The following HHAT variants were observed in gnomAD, a reference collection of about 807,000 sequenced individuals.
The protein encoded by HHAT is hedgehog acyltransferase.
A neutral mutation model predicts 70.8 loss-of-function variants in HHAT; 47 were observed. That is an observed-to-expected ratio of 0.66 (90% confidence interval 0.53 to 0.85). The LOEUF is 0.85. HHAT is among the 40% of genes least tolerant of loss of function. The pLI, the probability that HHAT is intolerant of heterozygous loss-of-function variation, is 0.00. For synonymous variants in HHAT, 228 were observed against 247.6 expected, an observed-to-expected ratio of 0.92 and a Z score of 0.74; for missense variants, 609 against 604.8, an observed-to-expected ratio of 1.01 and a Z score of -0.07.
At chr1:210,662,636 C>T (rs1279465169) in intron 11 of HHAT, among the ~76,000 whole-genome samples, 1 of 152,076 alleles carries the variant, frequency 6.6e-6, no homozygotes, top group Admixed American at 6.5e-5. Flanking sequence ...AGGTCCCCTA[C>T]CTAGTTGTCC....
intron 4 of HHAT, among the ~76,000 whole-genome samples, chr1:210,388,225 TG>T (rs2091222698): frequency 6.6e-6 from 1 of 152,162 alleles, no homozygotes; most frequent in Non-Finnish European, 1.5e-5. Flanking sequence ...AGATTCCTGA[TG>T]GAGGAAAAAG....
chr1:210,628,346 C>A (rs553377266), intron 11 of HHAT, among the ~76,000 whole-genome samples: 1 of 152,000 alleles, frequency 6.6e-6, no homozygotes, highest in African/African-American at 2.4e-5. Context: ...AAAAGGAAAA[C>A]CAAAACATTT....
At chr1:210,471,857 TCTC>T (rs1447038683) in intron 8 of HHAT, among the ~76,000 whole-genome samples, 3 of 152,182 alleles carry the variant, frequency 2.0e-5, no homozygotes, top group African/African-American at 4.8e-5. Context: ...TAAACAAAAT[TCTC>T]CTAGCAATTT....
chr1:210,471,915 T>A (rs1467305723), intron 8 of HHAT, among the ~76,000 whole-genome samples: 1 of 152,202 alleles, frequency 6.6e-6, no homozygotes, highest in Non-Finnish European at 1.5e-5. Flanking sequence ...ATATGACAGA[T>A]CTCTTGAATT....
At chr1:210,371,219 A>G (rs945042037) in intron 3 of HHAT, among the ~76,000 whole-genome samples, 1 of 151,908 alleles carries the variant, frequency 6.6e-6, no homozygotes, top group Non-Finnish European at 1.5e-5. Flanking sequence ...TGGCACAACC[A>G]TGGTTCACTG....
rs1056303108 is a variant in HHAT at position 210,501,689 on chromosome 1, T to C, written c.1008-11464T>C. On this transcript the variant is annotated intron_variant, in intron 8 of 11. Coordinates refer to ENST00000261458, the MANE Select transcript of HHAT (RefSeq NM_018194.6). ...CTTTCTTTTTTCCCTTCAGTTCTTA[T>C]GAGAGTGCCTCTCATTGGGAGAACT... is the stretch of plus-strand genomic sequence containing the variant. 3.9e-5 allele frequency among the ~76,000 whole-genome samples: 6 copies of C among 152,208 alleles called. No individual in the cohort carries two copies. In the South Asian group the frequency reaches 1.2e-3, roughly 32 times the overall value.
chr1:210,508,193 C>A (rs2094894217), intron 8 of HHAT, among the ~76,000 whole-genome samples: 1 of 60,470 alleles, frequency 1.7e-5, no homozygotes, highest in East Asian at 6.4e-4. Flanking sequence ...AGTGAGACTC[C>A]TTCTCAAAAA....
At chr1:210,667,380 CAATAAATA>C (rs3067940) in intron 11 of HHAT, among the ~76,000 whole-genome samples, 41 of 150,486 alleles carry the variant, frequency 2.7e-4, no homozygotes, top group Middle Eastern at 3.4e-3. Flanking sequence ...GAAACTCCGT[CAATAAATA>C]AATAAATAAA....
chr1:210,575,156 C>T lies in HHAT; in HGVS notation c.1044-12742C>T, dbSNP rs759882351. On this transcript the variant is annotated intron_variant, in intron 9 of 11. Transcript: ENST00000261458. ...TTTCCCCTACCTCTTCTCCTCCTGACTCTGTGGTGGGAGAAATCATGCATC... is the reference window on the plus strand; with the variant it reads ...TTTCCCCTACCTCTTCTCCTCCTGATTCTGTGGTGGGAGAAATCATGCATC... Among the ~76,000 whole-genome samples the T allele has an allele frequency of 2.9e-4, 44 of 152,144 alleles. 1 individual carries two copies. Among genetic ancestry groups the T allele is most frequent in the Admixed American group, 1.7e-3 (26 of 15,276 alleles).
intron 11 of HHAT, among the ~76,000 whole-genome samples, chr1:210,645,835 C>T (rs11119557): frequency 0.58 from 88,769 of 151,872 alleles, 27,135 homozygotes; most frequent in Non-Finnish European, 0.68. Flanking sequence ...GTGGTTCATG[C>T]ACTGGAAACC....
At chr1:210,615,399 C>A (rs112042290) in intron 10 of HHAT, among the ~76,000 whole-genome samples, 4 of 152,172 alleles carry the variant, frequency 2.6e-5, no homozygotes, top group Admixed American at 1.3e-4. Context: ...TCCTTTAGCT[C>A]GGAGAAGTTT....
chr1:210,446,416 G>C (rs748029183), intron 7 of HHAT, among the ~76,000 whole-genome samples: 1 of 152,194 alleles, frequency 6.6e-6, no homozygotes, highest in Non-Finnish European at 1.5e-5. Context: ...ATAATGGGAC[G>C]ATCAGGACTT....
chr1:210,568,362 G>T (rs1245522337), intron 9 of HHAT, among the ~76,000 whole-genome samples: 1 of 152,220 alleles, frequency 6.6e-6, no homozygotes, highest in African/African-American at 2.4e-5. Flanking sequence ...GTAGATGTAA[G>T]TAAGTTTCCC....
chr1:210,540,454 C>T (rs1281209966), intron 9 of HHAT, among the ~76,000 whole-genome samples: 2 of 138,306 alleles, frequency 1.4e-5, no homozygotes, highest in African/African-American at 5.0e-5. Context: ...TACACACACA[C>T]ACACACACAC....
chr1:210,375,945 G>C (rs2090166001), intron 3 of HHAT, among the ~76,000 whole-genome samples: 1 of 150,988 alleles, frequency 6.6e-6, no homozygotes, highest in Admixed American at 6.6e-5. Context: ...TCTGCCTCCC[G>C]GGTTCAAATG....
At chr1:210,390,609 C>CA (rs1319565694) in intron 4 of HHAT, among the ~76,000 whole-genome samples, 1 of 152,148 alleles carries the variant, frequency 6.6e-6, no homozygotes, top group Non-Finnish European at 1.5e-5. Context: ...GTCACCCAAG[C>CA]AATGTATACT....
intron 9 of HHAT, among the ~76,000 whole-genome samples, chr1:210,534,451 A>C (rs1325350261): frequency 3.3e-5 from 5 of 152,170 alleles, no homozygotes. Context: ...AATCCCACCC[A>C]CGTCCTGTAC....
At chr1:210,616,906 A>G (rs1268986129) in intron 10 of HHAT, among the ~76,000 whole-genome samples, 1 of 152,250 alleles carries the variant, frequency 6.6e-6, no homozygotes, top group Admixed American at 6.5e-5. Flanking sequence ...GTATTTATCT[A>G]AAACATAGAT....
chr1:210,408,435 G>T (rs985216275), intron 6 of HHAT, among the ~76,000 whole-genome samples: 1 of 152,092 alleles, frequency 6.6e-6, no homozygotes, highest in Non-Finnish European at 1.5e-5. Flanking sequence ...CGCCCGCCTC[G>T]GCCTCCTAAA....
Sources: allele counts gnomAD v4.1 joint callset (sites outside exome capture counted in the v4.1 genomes callset), GRCh38; gene constraint gnomAD v4.1.1; transcripts MANE v1.5; gene names NCBI Gene and HGNC (gene_info 2026-07-23, HGNC 2026-07-21).